The following CFAP54 variants were observed in gnomAD, a reference collection of about 807,000 sequenced individuals.
The protein encoded by CFAP54 is cilia and flagella associated protein 54.
Under a neutral mutation model 370.4 loss-of-function variants are expected in CFAP54, and 290 were observed. That is an observed-to-expected ratio of 0.78 (90% CI 0.71 to 0.86). The LOEUF is 0.86. CFAP54 is among the 40% of genes least tolerant of loss of function. CFAP54 has a pLI of 0.00. For synonymous variants in CFAP54, 1,206 were observed against 1,236.5 expected, an observed-to-expected ratio of 0.98 and a Z score of 0.52; for missense variants, 3,399 against 3,528.7, an observed-to-expected ratio of 0.96 and a Z score of 0.93.
At chr12:96,783,835 A>G (rs561177109) in intron 60 of CFAP54, among the ~76,000 whole-genome samples, 1 of 152,308 alleles carries the variant, frequency 6.6e-6, no homozygotes, top group African/African-American at 2.4e-5. Flanking sequence ...GCGGTGAGCC[A>G]AGATTGTGCC....
At chr12:96,774,376 C>G (rs756940699) in intron 60 of CFAP54, among the ~76,000 whole-genome samples, 3 of 152,122 alleles carry the variant, frequency 2.0e-5, no homozygotes, top group Admixed American at 1.3e-4. Flanking sequence ...CCTCCCTACT[C>G]AGATTCTTTA....
Position 96,575,876 on chromosome 12 carries a change from G to T in CFAP54, c.2620-709G>T, listed in dbSNP as rs533908466. Reference sequence around the variant, plus strand: ...CACTTTAATTTTAATCTTTACATGGGTTTTTACTTAGAGCTCAGTTAGAGA... The same window carrying T: ...CACTTTAATTTTAATCTTTACATGGTTTTTTACTTAGAGCTCAGTTAGAGA... On this transcript the variant is annotated intron_variant, in intron 19 of 67. Coordinates refer to ENST00000524981, the MANE Select transcript of CFAP54 (RefSeq NM_001306084.2). Among the ~76,000 whole-genome samples, 4 of 152,040 alleles carry T rather than the reference G, an allele frequency of 2.6e-5. No individual in the cohort carries two copies. The East Asian group carries it at 7.7e-4, about 29-fold the overall frequency.
chr12:96,745,201 C>T (rs1432309137), intron 55 of CFAP54, among the ~76,000 whole-genome samples: 1 of 152,120 alleles, frequency 6.6e-6, no homozygotes, highest in Non-Finnish European at 1.5e-5. Flanking sequence ...TTGGGTATTA[C>T]CTAGTAATTA....
At chr12:96,745,947 A>G (rs1474779582) in intron 55 of CFAP54, among the ~76,000 whole-genome samples, 1 of 152,152 alleles carries the variant, frequency 6.6e-6, no homozygotes. Flanking sequence ...GGTGGATGGT[A>G]TAGTTTCTCT....
chr12:96,620,052 T>G lies in CFAP54; in HGVS notation c.3640-1538T>G, dbSNP rs951174355. Among the ~76,000 whole-genome samples, 3 of 152,214 alleles carry G rather than the reference T, an allele frequency of 2.0e-5. No individual in the cohort carries two copies. In the South Asian group the frequency reaches 6.2e-4, roughly 32 times the overall value. ...AACTCACAAAATTTATTTGGCACTTTCTTTCCCACACTCTGTTCCACAGTC... is the reference window on the plus strand; with the variant it reads ...AACTCACAAAATTTATTTGGCACTTGCTTTCCCACACTCTGTTCCACAGTC... On this transcript the variant is annotated intron_variant, in intron 26 of 67. Coordinates refer to ENST00000524981, the MANE Select transcript of CFAP54 (RefSeq NM_001306084.2).
intron 58 of CFAP54, among the ~76,000 whole-genome samples, chr12:96,760,306 A>G (rs1958319963): frequency 6.6e-6 from 1 of 152,188 alleles, no homozygotes; most frequent in Non-Finnish European, 1.5e-5. Flanking sequence ...CATCCATGAA[A>G]TTAATGCATT....
chr12:96,820,783 T>C (rs1959024128), intron 65 of CFAP54, among the ~76,000 whole-genome samples: 1 of 152,220 alleles, frequency 6.6e-6, no homozygotes, highest in Non-Finnish European at 1.5e-5. Flanking sequence ...TTCATGTCTA[T>C]TTTCAAAAAT....
At chr12:96,860,743 C>T in intron 66 of CFAP54, 76 bp from the exon 67 acceptor site, 1 of 1,341,178 alleles carries the variant, frequency 7.5e-7, no homozygotes, top group Non-Finnish European at 9.8e-7. Context: ...TTAGAAATTG[C>T]TATTTGGGTA....
At chr12:96,838,850 T>C (rs1048547813) in intron 66 of CFAP54, among the ~76,000 whole-genome samples, 7 of 152,210 alleles carry the variant, frequency 4.6e-5, no homozygotes, top group Admixed American at 1.3e-4. Context: ...AAATGGATGA[T>C]TGTTTTGCAC....
intron 8 of CFAP54, 56 bp from the exon 9 acceptor site, chr12:96,527,190 C>A: frequency 7.1e-7 from 1 of 1,411,814 alleles, no homozygotes; most frequent in East Asian, 2.5e-5. Flanking sequence ...AGCCACTGCG[C>A]CCACAATATA....
intron 32 of CFAP54, among the ~76,000 whole-genome samples, 165 bp downstream of exon 32, chr12:96,630,816 A>G (rs1012329498): frequency 5.0e-4 from 76 of 152,136 alleles, no homozygotes; most frequent in African/African-American, 1.7e-3. Flanking sequence ...GTAAACACCT[A>G]AATAAACAAG....
chr12:96,843,291 G>A (rs1009058598), intron 66 of CFAP54, among the ~76,000 whole-genome samples: 23 of 152,174 alleles, frequency 1.5e-4, no homozygotes, highest in African/African-American at 3.6e-4. Context: ...TTTCTATATC[G>A]CAGGTCAAAA....
chr12:96,510,177 C>T (rs1359360224), intron 4 of CFAP54, among the ~76,000 whole-genome samples: 2 of 148,320 alleles, frequency 1.3e-5, no homozygotes, highest in African/African-American at 2.5e-5. Flanking sequence ...TGCTTGAACC[C>T]GGGGAGCAGA....
At chr12:96,740,730 G>C (rs901975752) in intron 51 of CFAP54, among the ~76,000 whole-genome samples, 3 of 152,128 alleles carry the variant, frequency 2.0e-5, no homozygotes, top group Non-Finnish European at 4.4e-5. Context: ...CAATAAAAAT[G>C]CTAAAAAGCA....
chr12:96,764,264 TG>T lies in CFAP54; in HGVS notation c.8139+16del. ...CTGCTGCACAGGTTGGTGTGATTTTTGTTTAATCTTTCTTCTTACTGTCATA... is the reference window on the plus strand; with the variant it reads ...CTGCTGCACAGGTTGGTGTGATTTTTTTTAATCTTTCTTCTTACTGTCATA... On this transcript the variant is annotated intron_variant, in intron 59 of 67. Coordinates refer to ENST00000524981, the MANE Select transcript of CFAP54 (RefSeq NM_001306084.2). 6.3e-7 allele frequency: 1 copy of T among 1,578,896 alleles called. No individual in the cohort carries two copies. Among genetic ancestry groups the T allele is most frequent in the Admixed American group, 1.7e-5 (1 of 59,286 alleles).
chr12:96,787,299 C>G (rs1348292590), intron 62 of CFAP54, among the ~76,000 whole-genome samples: 1 of 151,380 alleles, frequency 6.6e-6, no homozygotes, highest in Non-Finnish European at 1.5e-5. Flanking sequence ...AAAAATTATT[C>G]ATTGTGAGTA....
chr12:96,544,386 G>A (rs1955614310), intron 14 of CFAP54, among the ~76,000 whole-genome samples: 1 of 150,760 alleles, frequency 6.6e-6, no homozygotes, highest in South Asian at 2.1e-4. Flanking sequence ...TTAGGCCTCC[G>A]AAGCAGTCCT....
intron 29 of CFAP54, 70 bp from the exon 30 acceptor site, chr12:96,626,743 C>A: frequency 1.2e-6 from 1 of 867,734 alleles, no homozygotes; most frequent in Non-Finnish European, 1.6e-6. Flanking sequence ...TGACTGCTAG[C>A]ACTGGCAACC....
In CFAP54 at chr12:96,527,324, T is replaced by A; in HGVS notation, c.1237T>A (p.Leu413Met). The A allele has an allele frequency of 6.5e-7, 1 of 1,535,978 alleles. No individual in the cohort carries two copies. The highest frequency in any genetic ancestry group is 2.4e-5 in the East Asian group (1 of 40,908). Reference protein sequence around the residue: ...DSTASQFLAVLEALSDSNRRI... With the variant: ...DSTASQFLAVMEALSDSNRRI... ...CACTGCATCCCAGTTTCTGGCTGTC[T>A]TGGAAGCTCTTTCTGATTCAAATAG... The change falls in exon 9 of 68, where the codon TTG (leucine) becomes ATG (methionine). Residue 413 changes from leucine to methionine, a missense_variant. This residue lies in a region of CFAP54 where 559 missense variants were observed against 576.7 expected (regional missense o/e 0.97). Coordinates refer to ENST00000524981, the MANE Select transcript of CFAP54 (RefSeq NM_001306084.2).
Sources: gnomAD v4.1 joint callset for allele counts (sites outside exome capture counted in the v4.1 genomes callset) on GRCh38, gnomAD v4.1.1 for gene constraint, gnomAD v4.1.1 regional missense constraint, MANE v1.5 for transcripts, NCBI Gene and HGNC (gene_info 2026-07-23, HGNC 2026-07-21) for gene names.